The following MSI2 variants were observed in gnomAD, a reference collection of about 807,000 sequenced individuals.
MSI2 encodes RNA-binding protein Musashi homolog 2.
In MSI2, 17 loss-of-function variants were observed where a neutral mutation model predicts 45.6. That is an observed-to-expected ratio of 0.37 (90% CI 0.26 to 0.56). The LOEUF is 0.56. Ranked by LOEUF, MSI2 falls within the 20% of genes least tolerant of loss-of-function variation. The pLI, the probability that MSI2 is intolerant of heterozygous loss-of-function variation, is 0.77. For missense variants in MSI2, 293 were observed against 444.2 expected, an observed-to-expected ratio of 0.66 and a Z score of 3.06; for synonymous variants, 156 against 158.2, an observed-to-expected ratio of 0.99 and a Z score of 0.11.
chr17:57,529,296 C>T lies in MSI2; in HGVS notation c.406-380C>T, dbSNP rs2086771409. On this transcript the variant is annotated intron_variant, in intron 6 of 13. Transcript: ENST00000284073. This position sits in a 1 kb window ranked among gnomAD's most constrained non-coding sequence, Gnocchi z 5.3. ...AAAAAAATAAAATAAAATAACTGGG[C>T]ATGATGGTACATGCCTGTAGTCCCA... Among the ~76,000 whole-genome samples, 1 of 151,992 alleles carries T rather than the reference C, an allele frequency of 6.6e-6. No individual in the cohort carries two copies. The highest frequency in any genetic ancestry group is 2.4e-5 in the African/African-American group (1 of 41,352).
chr17:57,605,516 C>T (rs1302305018), intron 8 of MSI2, among the ~76,000 whole-genome samples: 2 of 152,184 alleles, frequency 1.3e-5, no homozygotes, highest in Non-Finnish European at 2.9e-5. Context: ...TCCCCGTACT[C>T]CACCCCCAGG....
At chr17:57,385,077 G>A in intron 5 of MSI2, among the ~76,000 whole-genome samples, 1 of 152,042 alleles carries the variant, frequency 6.6e-6, no homozygotes, top group South Asian at 2.1e-4. Context: ...CCTTGCTTTA[G>A]TTCAGGGTCC....
intron 6 of MSI2, among the ~76,000 whole-genome samples, chr17:57,504,762 A>T (rs1020275563): frequency 3.3e-5 from 5 of 151,858 alleles, no homozygotes; most frequent in African/African-American, 4.8e-5. Context: ...GAAACCCCGA[A>T]TCTACTAAAA....
At chr17:57,311,390 A>G (rs1210967249) in intron 5 of MSI2, among the ~76,000 whole-genome samples, 2 of 152,344 alleles carry the variant, frequency 1.3e-5, no homozygotes, top group African/African-American at 2.4e-5. Flanking sequence ...GATAAAAGAG[A>G]GAAACCACAG....
intron 10 of MSI2, among the ~76,000 whole-genome samples, chr17:57,649,593 C>G (rs942382398): frequency 3.9e-5 from 6 of 152,160 alleles, no homozygotes; most frequent in Non-Finnish European, 8.8e-5. Context: ...ACACACACCC[C>G]TTGTATCTGT....
downstream of MSI2, among the ~76,000 whole-genome samples, chr17:57,689,389 A>G (rs1913940859): frequency 6.6e-6 from 1 of 152,196 alleles, no homozygotes; most frequent in African/African-American, 2.4e-5. Context: ...GGAGCATGCC[A>G]AAAGAGTCCT....
intron 8 of MSI2, among the ~76,000 whole-genome samples, chr17:57,615,277 G>A (rs980364839): frequency 9.2e-5 from 14 of 151,934 alleles, no homozygotes; most frequent in African/African-American, 2.4e-4. Context: ...ACAGGTGTGT[G>A]CCACCACACC....
chr17:57,343,995 G>A (rs949403957), intron 5 of MSI2, among the ~76,000 whole-genome samples: 2 of 152,178 alleles, frequency 1.3e-5, no homozygotes, highest in Non-Finnish European at 2.9e-5. Context: ...ACCTGGTCAA[G>A]GTGTTGTTAG....
intron 7 of MSI2, among the ~76,000 whole-genome samples, chr17:57,544,200 C>A (rs1221604249): frequency 6.6e-6 from 1 of 152,104 alleles, no homozygotes; most frequent in Non-Finnish European, 1.5e-5. Flanking sequence ...AGAAAGTAAA[C>A]TGGAATCAAA....
chr17:57,256,910 T>TCCCC, intron 1 of MSI2, 106 bp downstream of exon 1: 1 of 249,970 alleles, frequency 4.0e-6, no homozygotes, highest in Non-Finnish European at 5.7e-6. Context: ...CCCCCGCCTC[T>TCCCC]CCCGCGCGCC....
At chr17:57,380,269 G>A (rs188095311) in intron 5 of MSI2, among the ~76,000 whole-genome samples, 5 of 152,246 alleles carry the variant, frequency 3.3e-5, no homozygotes, top group East Asian at 1.9e-4. Context: ...CCTGTTCTAC[G>A]TCTGGAATTG....
intron 5 of MSI2, among the ~76,000 whole-genome samples, chr17:57,393,716 T>C (rs1410681396): frequency 6.6e-6 from 1 of 152,206 alleles, no homozygotes; most frequent in Non-Finnish European, 1.5e-5. Context: ...TGTTTCACTC[T>C]TGTCACCCAG....
chr17:57,288,716 T>C (rs1910132825), intron 5 of MSI2, among the ~76,000 whole-genome samples: 1 of 152,156 alleles, frequency 6.6e-6, no homozygotes, highest in African/African-American at 2.4e-5. Context: ...GAACGGAGGC[T>C]GTGGGAAGGC....
At chr17:57,578,132 A>G (rs182593421) in intron 7 of MSI2, among the ~76,000 whole-genome samples, 66 of 152,228 alleles carry the variant, frequency 4.3e-4, no homozygotes, top group Admixed American at 2.6e-3. Flanking sequence ...CCCCTTGTCT[A>G]TCTGCAGGGG....
At chr17:57,479,335 A>T (rs767366132) in intron 6 of MSI2, among the ~76,000 whole-genome samples, 10 of 152,258 alleles carry the variant, frequency 6.6e-5, no homozygotes, top group Non-Finnish European at 1.2e-4. Context: ...GGGAAAGGTT[A>T]GTTTGACCTG....
intron 6 of MSI2, among the ~76,000 whole-genome samples, chr17:57,415,713 C>T (rs2084282446): frequency 6.6e-6 from 1 of 152,002 alleles, no homozygotes. Context: ...AGGTTCACTC[C>T]CTCTGATAAA....
intron 5 of MSI2, among the ~76,000 whole-genome samples, chr17:57,360,267 T>C (rs1409420046): frequency 6.6e-6 from 1 of 152,232 alleles, no homozygotes; most frequent in Non-Finnish European, 1.5e-5. Context: ...TGTTTATTGG[T>C]GGATTTTCTA....
chr17:57,282,932 G>T (rs1909556029), intron 5 of MSI2, among the ~76,000 whole-genome samples: 1 of 150,732 alleles, frequency 6.6e-6, no homozygotes, highest in Admixed American at 6.6e-5. Context: ...GGCGGCATCT[G>T]GGCCCCTTGC....
chr17:57,292,579 G>A (rs931028937), intron 5 of MSI2, among the ~76,000 whole-genome samples: 1 of 125,868 alleles, frequency 7.9e-6, no homozygotes, highest in East Asian at 1.9e-4. Context: ...GGAGGTTGGT[G>A]GGGGGTCCCT....
Sources: gnomAD v4.1 joint callset for allele counts (sites outside exome capture counted in the v4.1 genomes callset) on GRCh38, gnomAD v4.1.1 for gene constraint, Gnocchi (gnomAD v3.1) non-coding constraint, MANE v1.5 for transcripts, NCBI Gene and HGNC (gene_info 2026-07-23, HGNC 2026-07-21) for gene names.